TNR: variants seen among roughly 807,000 people sequenced by gnomAD.
The protein encoded by TNR is tenascin R.
Under a neutral mutation model 150.4 loss-of-function variants are expected in TNR, and 45 were observed. The observed-to-expected ratio is 0.30, with a 90% CI of 0.24 to 0.38. The LOEUF is 0.38. TNR is among the 10% of genes least tolerant of loss of function. The probability of loss-of-function intolerance (pLI) is 1.00; values close to 1 mark genes in which losing one functional copy is unlikely to be tolerated. For synonymous variants in TNR, 687 were observed against 678.4 expected, an observed-to-expected ratio of 1.01 and a Z score of -0.20; for missense variants, 1,544 against 1,759.1, an observed-to-expected ratio of 0.88 and a Z score of 2.19.
At chr1:175,489,193 G>A (rs1420113169) in intron 2 of TNR, among the ~76,000 whole-genome samples, 1 of 152,132 alleles carries the variant, frequency 6.6e-6, no homozygotes, top group Non-Finnish European at 1.5e-5. Flanking sequence ...ATCACCCGGG[G>A]CCCAGCCAGG....
intron 1 of TNR, among the ~76,000 whole-genome samples, chr1:175,722,303 C>A (rs1355204534): frequency 2.0e-5 from 3 of 152,168 alleles, no homozygotes; most frequent in Non-Finnish European, 4.4e-5. Flanking sequence ...TGAATCAAAT[C>A]CCTGAGACAC....
At chr1:175,583,945 A>G (rs1662467955) in intron 1 of TNR, among the ~76,000 whole-genome samples, 1 of 152,244 alleles carries the variant, frequency 6.6e-6, no homozygotes. Context: ...GAGCCAGCAC[A>G]GGGAAGCCAA....
chr1:175,700,904 GC>G (rs2101926794), intron 1 of TNR, among the ~76,000 whole-genome samples: 1 of 152,248 alleles, frequency 6.6e-6, no homozygotes, highest in Admixed American at 6.5e-5. Flanking sequence ...CTCACTCAAA[GC>G]CTTCGTCCGC....
intron 1 of TNR, among the ~76,000 whole-genome samples, chr1:175,698,915 A>C (rs1312820104): frequency 6.6e-6 from 1 of 152,164 alleles, no homozygotes; most frequent in African/African-American, 2.4e-5. Context: ...TGAGCTAGAA[A>C]GTTATGGGAA....
At chr1:175,567,270 A>G (rs2102215955) in intron 1 of TNR, among the ~76,000 whole-genome samples, 1 of 152,332 alleles carries the variant, frequency 6.6e-6, no homozygotes, top group Non-Finnish European at 1.5e-5. Flanking sequence ...GGAAAAGGAA[A>G]GGTGGCCCAT....
intron 13 of TNR, among the ~76,000 whole-genome samples, chr1:175,363,055 C>A (rs1651676304): frequency 6.6e-6 from 1 of 152,234 alleles, no homozygotes; most frequent in African/African-American, 2.4e-5. Flanking sequence ...GGTTTTCTAA[C>A]AAGCTGGTCT....
intron 1 of TNR, among the ~76,000 whole-genome samples, chr1:175,542,903 T>C (rs543733729): frequency 4.9e-4 from 74 of 152,216 alleles, no homozygotes; most frequent in Admixed American, 1.3e-3. Flanking sequence ...GAAGCATTGA[T>C]ATATTTCTAG....
At chr1:175,670,478 A>C (rs1665665083) in intron 1 of TNR, among the ~76,000 whole-genome samples, 1 of 152,338 alleles carries the variant, frequency 6.6e-6, no homozygotes, top group African/African-American at 2.4e-5. Flanking sequence ...GAGTTTGGTA[A>C]GTAAGTTTTC....
At chr1:175,391,231 G>C in intron 7 of TNR, 57 bp downstream of exon 7, 1 of 1,589,050 alleles carries the variant, frequency 6.3e-7, no homozygotes. Context: ...CAATTCTGTG[G>C]TTCTTTTCCA....
chr1:175,719,727 T>C (rs181898123), intron 1 of TNR, among the ~76,000 whole-genome samples: 2 of 152,306 alleles, frequency 1.3e-5, no homozygotes, highest in African/African-American at 4.8e-5. Flanking sequence ...GACACAATGA[T>C]AGCAGAGACC....
chr1:175,578,275 G>A (rs1662202796), intron 1 of TNR, among the ~76,000 whole-genome samples: 1 of 151,734 alleles, frequency 6.6e-6, no homozygotes, highest in South Asian at 2.1e-4. Flanking sequence ...GAGAGGGAGG[G>A]GTGAGGGCAA....
At chr1:175,495,332 T>C (rs759624764) in intron 2 of TNR, among the ~76,000 whole-genome samples, 2 of 152,218 alleles carry the variant, frequency 1.3e-5, no homozygotes, top group East Asian at 1.9e-4. Context: ...AAGATCCTAC[T>C]GTAGTCATAT....
intron 1 of TNR, among the ~76,000 whole-genome samples, chr1:175,727,743 T>G (rs887368682): frequency 6.6e-6 from 1 of 151,888 alleles, no homozygotes; most frequent in Admixed American, 6.6e-5. Flanking sequence ...ATGGCACCCA[T>G]GAATAAAAAG....
rs548248961 is a variant in TNR at position 175,429,673 on chromosome 1, G to C, written c.-63-22896C>G. ...TATTACATGAAACACTCTTTGTAAA[G>C]TGCTTCCCAAGGATGTAGAGCACAG... On this transcript the variant is annotated intron_variant, in intron 2 of 22. Coordinates refer to ENST00000367674, the MANE Select transcript of TNR (RefSeq NM_003285.3). Among the ~76,000 whole-genome samples the C allele has an allele frequency of 3.9e-5, 6 of 152,316 alleles. No homozygotes were observed. The East Asian group carries it at 1.2e-3, about 29-fold the overall frequency.
At position 175,498,072 on chromosome 1, in the gene TNR, G is replaced by GCAA. The variant is rs112090574; in HGVS notation, c.-64+30194_-64+30196dup. Among the ~76,000 whole-genome samples the GCAA allele has an allele frequency of 1.6e-3, 239 of 151,868 alleles. 2 individuals carry two copies. The highest frequency in any genetic ancestry group is 5.0e-3 in the African/African-American group (206 of 41,390). On this transcript the variant is annotated intron_variant, in intron 2 of 22. Coordinates refer to ENST00000367674, the MANE Select transcript of TNR (RefSeq NM_003285.3). ...GAGGCTCCATCTCAAAACAACAACA[G>GCAA]CAACAACAACAACAACAACAAAAAC...
intron 1 of TNR, among the ~76,000 whole-genome samples, chr1:175,635,296 G>T (rs138224169): frequency 1.1e-4 from 16 of 152,018 alleles, no homozygotes; most frequent in African/African-American, 3.9e-4. Context: ...ACCAACATGT[G>T]TGCAAACAAA....
At chr1:175,546,136 C>A (rs949039352) in intron 1 of TNR, among the ~76,000 whole-genome samples, 1 of 152,100 alleles carries the variant, frequency 6.6e-6, no homozygotes. Context: ...TTACAAGGGA[C>A]GGCAGAAGAA....
chr1:175,583,198 T>C (rs1388012022), intron 1 of TNR, among the ~76,000 whole-genome samples: 1 of 152,092 alleles, frequency 6.6e-6, no homozygotes, highest in Non-Finnish European at 1.5e-5. Flanking sequence ...GTGGAAGAGA[T>C]CTCATGTGCC....
chr1:175,449,038 C>T (rs1012302415), intron 2 of TNR, among the ~76,000 whole-genome samples: 2 of 152,188 alleles, frequency 1.3e-5, no homozygotes, highest in African/African-American at 4.8e-5. Flanking sequence ...AGCCTACCGG[C>T]ATTGCCACCT....
Sources: allele counts gnomAD v4.1 joint callset (sites outside exome capture counted in the v4.1 genomes callset), GRCh38; gene constraint gnomAD v4.1.1; transcripts MANE v1.5; gene names NCBI Gene and HGNC (gene_info 2026-07-23, HGNC 2026-07-21).